The following DIAPH3 variants were observed in gnomAD, a reference collection of about 807,000 sequenced individuals.
DIAPH3 encodes protein diaphanous homolog 3.
DIAPH3 carries 117 observed loss-of-function variants against 144.3 expected under a neutral mutation model. The observed-to-expected ratio is 0.81, with a 90% CI of 0.70 to 0.95. The LOEUF (loss-of-function observed/expected upper bound fraction) is 0.95. DIAPH3 is among the 40% of genes least tolerant of loss of function. DIAPH3 has a pLI of 0.00. For synonymous variants in DIAPH3, 519 were observed against 488.9 expected (o/e 1.06, Z -0.81); for missense variants, 1,421 against 1,412.7 (o/e 1.01, Z -0.09).
chr13:60,161,909 G>A (rs1952313089), intron 1 of DIAPH3, among the ~76,000 whole-genome samples: 1 of 152,108 alleles, frequency 6.6e-6, no homozygotes, highest in African/African-American at 2.4e-5. Flanking sequence ...ATTAGACATA[G>A]CTGATAACAA....
intron 25 of DIAPH3, among the ~76,000 whole-genome samples, chr13:59,794,460 G>A (rs548354805): frequency 6.6e-6 from 1 of 151,730 alleles, no homozygotes; most frequent in South Asian, 2.1e-4. Context: ...CCTATTAGGG[G>A]AATATTCAAT....
chr13:59,799,682 A>C (rs2039803794), intron 25 of DIAPH3, among the ~76,000 whole-genome samples: 1 of 152,202 alleles, frequency 6.6e-6, no homozygotes, highest in Non-Finnish European at 1.5e-5. Flanking sequence ...TTGTCCCACA[A>C]ATGTGAATTC....
intron 2 of DIAPH3, among the ~76,000 whole-genome samples, chr13:60,128,460 G>GA: frequency 6.6e-6 from 1 of 152,122 alleles, no homozygotes; most frequent in South Asian, 2.1e-4. Flanking sequence ...CTCATTTTTT[G>GA]AAAGTGTGTA....
intron 27 of DIAPH3, among the ~76,000 whole-genome samples, chr13:59,725,658 C>A (rs1442684970): frequency 6.6e-6 from 1 of 152,162 alleles, no homozygotes; most frequent in East Asian, 1.9e-4. Context: ...TTTTTAGTTA[C>A]AACAGTGTCA....
chr13:59,702,944 T>G (rs1346562389), intron 27 of DIAPH3, among the ~76,000 whole-genome samples: 1 of 152,174 alleles, frequency 6.6e-6, no homozygotes, highest in Non-Finnish European at 1.5e-5. Context: ...CACTACCCTG[T>G]GGGGAAGCCT....
rs1357629724 is a variant in DIAPH3 at position 59,839,342 on chromosome 13, CT to C, written c.2843del (p.Lys948SerfsTer3). The C allele has an allele frequency of 6.2e-7, 1 of 1,613,520 alleles. No individual in the cohort carries two copies. The highest frequency in any genetic ancestry group is 8.5e-7 in the Non-Finnish European group (1 of 1,179,754). ...AGGATATGGACATCTTTGTCACAAA[CT>C]TGTCATGCAAGTCCTCAGGAGGGGG... is the stretch of plus-strand genomic sequence containing the variant. The part of the protein sequence containing the change: ...TFPPPEDLHD[K>X]FVTKMSRFVI... On this transcript the variant is annotated frameshift_variant, in exon 23 of 28. Transcript: ENST00000400324. LOFTEE classifies it high-confidence loss of function.
intron 24 of DIAPH3, among the ~76,000 whole-genome samples, chr13:59,820,831 T>G (rs1325295875): frequency 6.6e-6 from 1 of 151,442 alleles, no homozygotes; most frequent in Non-Finnish European, 1.5e-5. Context: ...TTTAATACTA[T>G]TTATTTAACT....
chr13:60,005,173 C>A (rs916516377), intron 9 of DIAPH3, among the ~76,000 whole-genome samples: 7 of 152,082 alleles, frequency 4.6e-5, no homozygotes, highest in African/African-American at 1.2e-4. Context: ...GATTATGTGG[C>A]GATTTTTTAA....
intron 3 of DIAPH3, among the ~76,000 whole-genome samples, chr13:60,094,675 C>G (rs1434972145): frequency 2.6e-5 from 4 of 152,146 alleles, no homozygotes; most frequent in Non-Finnish European, 5.9e-5. Context: ...TGGAGCCTAG[C>G]AAGTTAAATT....
chr13:59,935,685 C>T (rs1266716442), intron 17 of DIAPH3, among the ~76,000 whole-genome samples: 1 of 152,118 alleles, frequency 6.6e-6, no homozygotes, highest in Non-Finnish European at 1.5e-5. Context: ...GCTTCCCAAA[C>T]CAAGTTTTAA....
At chr13:59,688,979 T>C (rs2033363019) in intron 27 of DIAPH3, among the ~76,000 whole-genome samples, 1 of 152,096 alleles carries the variant, frequency 6.6e-6, no homozygotes, top group Admixed American at 6.6e-5. Flanking sequence ...GTAATAGAGT[T>C]TCACCAAAAA....
Position 59,983,861 on chromosome 13 carries a change from T to G in DIAPH3, c.1388A>C (p.Glu463Ala). 6.2e-7 allele frequency: 1 copy of G among 1,608,228 alleles called. No homozygotes were observed. Among genetic ancestry groups the G allele is most frequent in the Non-Finnish European group, 8.5e-7 (1 of 1,175,790 alleles). The change falls in exon 13 of 28, where the codon GAG (glutamate) becomes GCG (alanine). Residue 463 changes from glutamate (E) to alanine (A), a missense_variant. Physicochemically the swap from Glu to Ala is moderately radical, Grantham distance 107 (BLOSUM62 -1). Coordinates refer to ENST00000400324, the MANE Select transcript of DIAPH3 (RefSeq NM_001042517.2). ...IRQQYFKLIDECVSQIVLHRD... is the reference protein window; with the variant it reads ...IRQQYFKLIDACVSQIVLHRD... ...ATGCAATACAATCTGGGATACACAC[T>G]CATCAATTAATTTGAAGTATTGTTG...
At chr13:59,874,972 A>T (rs2044521878) in intron 21 of DIAPH3, among the ~76,000 whole-genome samples, 1 of 152,176 alleles carries the variant, frequency 6.6e-6, no homozygotes, top group Non-Finnish European at 1.5e-5. Context: ...TTAAATTTAC[A>T]AGTCAAAATT....
intron 20 of DIAPH3, among the ~76,000 whole-genome samples, chr13:59,885,416 G>A (rs569547858): frequency 9.0e-5 from 12 of 133,404 alleles, no homozygotes; most frequent in African/African-American, 2.8e-4. Context: ...GAAACTATAC[G>A]GTAAACAGTT....
intron 22 of DIAPH3, among the ~76,000 whole-genome samples, chr13:59,855,722 C>A (rs1169161280): frequency 6.6e-6 from 1 of 151,518 alleles, no homozygotes; most frequent in East Asian, 1.9e-4. Context: ...TTTCATTATT[C>A]CCACAGGAAA....
At chr13:60,101,553 A>T (rs1434346311) in intron 3 of DIAPH3, among the ~76,000 whole-genome samples, 1 of 152,034 alleles carries the variant, frequency 6.6e-6, no homozygotes, top group Non-Finnish European at 1.5e-5. Context: ...CAGCTATCAA[A>T]AGTGTTAGTG....
At chr13:60,004,402 A>AT (rs2052730564) in intron 9 of DIAPH3, among the ~76,000 whole-genome samples, 2 of 152,224 alleles carry the variant, frequency 1.3e-5, no homozygotes, top group Admixed American at 1.3e-4. Flanking sequence ...AACCTGCAAT[A>AT]TGCAGAAAAG....
chr13:59,779,732 G>C (rs886821292), intron 25 of DIAPH3, among the ~76,000 whole-genome samples: 1 of 151,994 alleles, frequency 6.6e-6, no homozygotes, highest in African/African-American at 2.4e-5. Flanking sequence ...GGCTGGTCTC[G>C]AACTCCTGAC....
chr13:60,118,526 A>G (rs529364603), intron 2 of DIAPH3, among the ~76,000 whole-genome samples: 2 of 152,350 alleles, frequency 1.3e-5, no homozygotes, highest in South Asian at 4.1e-4. Flanking sequence ...TTCTATCCAA[A>G]TACATACCTG....
Sources: allele counts gnomAD v4.1 joint callset (sites outside exome capture counted in the v4.1 genomes callset), GRCh38; gene constraint gnomAD v4.1.1; transcripts MANE v1.5; gene names NCBI Gene and HGNC (gene_info 2026-07-23, HGNC 2026-07-21).